GINS3: variants seen among roughly 807,000 people sequenced by gnomAD.
GINS3 encodes GINS complex subunit 3, also known as DNA replication complex GINS protein PSF3.
Under a neutral mutation model 20.0 loss-of-function variants are expected in GINS3, and 18 were observed. That is an observed-to-expected ratio of 0.90 (90% confidence interval 0.62 to 1.33). The LOEUF is 1.33. Ranked by LOEUF, GINS3 falls within the 40% of genes most tolerant of loss-of-function variation. The pLI is 0.00. For missense variants in GINS3, 254 were observed against 273.6 expected (o/e 0.93, Z 0.51); for synonymous variants, 109 against 107.0 (o/e 1.02, Z -0.12).
Position 58,404,542 on chromosome 16 carries a change from A to C in GINS3, c.464A>C (p.Asn155Thr). The change falls in exon 3 of 3, where the codon AAT (asparagine) becomes ACT (threonine). Residue 155 changes from asparagine to threonine, a missense_variant. Transcript: ENST00000318129. The part of the protein sequence containing the change: ...RFRRIMDSSQ[N>T]AYNEDTSALV... ...CGCCGCATCATGGACTCCTCACAGA[A>C]TGCTTACAACGAAGACACTTCAGCC... 6.2e-7 allele frequency: 1 copy of C among 1,614,164 alleles called. No homozygotes were observed. Among genetic ancestry groups the C allele is most frequent in the Non-Finnish European group, 8.5e-7 (1 of 1,180,024 alleles).
intron 1 of GINS3, among the ~76,000 whole-genome samples, chr16:58,396,107 C>T: frequency 7.0e-6 from 1 of 141,894 alleles, no homozygotes; most frequent in Non-Finnish European, 1.5e-5. Context: ...CCACCTCCCT[C>T]CCGGACGGGG....
intron 1 of GINS3, chr16:58,394,971 T>A: frequency 2.5e-6 from 1 of 398,298 alleles, no homozygotes. Context: ...GTAGGAAGGT[T>A]TGTATGACAT....
In GINS3 at chr16:58,403,334, A is replaced by G. The variant is rs1279862698; in HGVS notation, c.420+3A>G. 2 of 1,611,444 alleles carry G rather than the reference A, an allele frequency of 1.2e-6. No individual in the cohort carries two copies. The highest frequency in any genetic ancestry group is 1.3e-5 in the African/African-American group (1 of 74,850). On this transcript the variant is annotated splice_donor_region_variant and intron_variant, in intron 2 of 2. Coordinates refer to ENST00000318129, the MANE Select transcript of GINS3 (RefSeq NM_022770.4). Reference sequence around the variant, plus strand: ...ACATTTCCCAGTCTCTGCTGCAGGCAAGTAATGGGTGTGAAAACCTGTGGT... The same window carrying G: ...ACATTTCCCAGTCTCTGCTGCAGGCGAGTAATGGGTGTGAAAACCTGTGGT...
At chr16:58,403,668 A>G (rs60068088) in intron 2 of GINS3, 32,155 of 284,184 alleles carry the variant, frequency 0.11, 2,744 homozygotes, top group African/African-American at 0.29. Flanking sequence ...AGGCCAAGGC[A>G]GGAGGATCGC....
intron 1 of GINS3, chr16:58,395,076 A>AC (rs1965831023): frequency 1.1e-5 from 5 of 458,142 alleles, no homozygotes; most frequent in Middle Eastern, 1.1e-3. Flanking sequence ...ATTTTATCTA[A>AC]TTTTTTTTTT....
At chr16:58,397,771 C>T (rs1340855519) in intron 1 of GINS3, among the ~76,000 whole-genome samples, 4 of 151,874 alleles carry the variant, frequency 2.6e-5, no homozygotes, top group South Asian at 2.1e-4. Context: ...AGTCCAGCTT[C>T]GGCTCGGCAT....
At chr16:58,395,340 T>A (rs866084724) in intron 1 of GINS3, 3,784 of 204,728 alleles carry the variant, frequency 0.018, 43 homozygotes, top group Middle Eastern at 0.027. Context: ...TATATATATT[T>A]TTTTTTTAAT....
rs1055528959 is a variant in GINS3 at position 58,405,157 on chromosome 16, A to C, written c.*428A>C. 2 of 172,848 alleles carry C rather than the reference A, an allele frequency of 1.2e-5. No individual in the cohort carries two copies. Among genetic ancestry groups the C allele is most frequent in the Non-Finnish European group, 1.2e-5 (1 of 80,122 alleles). 10.7% of individuals were successfully genotyped at this position (172,848 alleles called of 1,614,324 possible). On this transcript the variant is annotated 3_prime_UTR_variant, in exon 3 of 3. Transcript: ENST00000318129. ...GTTCACAAAATGCTCTCTTGATCTT[A>C]TTTGCCTCATCTTCCTCATGGTTGT...
chr16:58,395,242 A>G, intron 1 of GINS3: 3 of 361,144 alleles, frequency 8.3e-6, no homozygotes, highest in Non-Finnish European at 1.4e-5. Flanking sequence ...TGTCCAGCTA[A>G]TTTTTGTATT....
rs1438148357 is a variant in GINS3 at position 58,396,788 on chromosome 16, C to T, written c.186+4001C>T. On this transcript the variant is annotated intron_variant, in intron 1 of 2. Transcript: ENST00000318129. ...CTGACCCCCCCACCTCCTTCCCGGACAGGGCGGCTGGCCGGGCAGAGGGGC... is the reference window on the plus strand; with the variant it reads ...CTGACCCCCCCACCTCCTTCCCGGATAGGGCGGCTGGCCGGGCAGAGGGGC... Among the ~76,000 whole-genome samples the T allele has an allele frequency of 2.0e-3, 263 of 133,694 alleles. 2 individuals carry two copies. Among genetic ancestry groups the T allele is most frequent in the African/African-American group, 7.0e-3 (236 of 33,718 alleles). 87.7% of individuals were successfully genotyped at this position (133,694 alleles called of 152,430 possible).
At chr16:58,403,037 G>A (rs1221397519) in intron 1 of GINS3, 61 bp from the exon 2 acceptor site, 24 of 1,369,666 alleles carry the variant, frequency 1.8e-5, no homozygotes, top group African/African-American at 5.7e-5. Flanking sequence ...TTTCCTTTTC[G>A]TCACACACAT....
At position 58,404,847 on chromosome 16, in the gene GINS3, T is replaced by G. The variant is rs1361999534; in HGVS notation, c.*118T>G. 4.1e-6 allele frequency: 3 copies of G among 735,594 alleles called. No individual in the cohort carries two copies. The highest frequency in any genetic ancestry group is 6.8e-6 in the Non-Finnish European group (3 of 438,934). The allele number at this position is 735,594 out of a possible 1,614,324, so 45.6% of individuals were successfully genotyped here. ...GTCCCATTTCATGGCTTATTTCCTG[T>G]GGCCATAGAGAATTATAGGGAACTG... On this transcript the variant is annotated 3_prime_UTR_variant, in exon 3 of 3. Coordinates refer to ENST00000318129, the MANE Select transcript of GINS3 (RefSeq NM_022770.4).
At chr16:58,397,711 G>T (rs1407253143) in intron 1 of GINS3, among the ~76,000 whole-genome samples, 2 of 152,194 alleles carry the variant, frequency 1.3e-5, no homozygotes, top group Non-Finnish European at 2.9e-5. Flanking sequence ...GCAGGCTGAG[G>T]CAGGAGAATC....
intron 1 of GINS3, among the ~76,000 whole-genome samples, chr16:58,398,324 T>C (rs1025594460): frequency 7.2e-5 from 11 of 152,198 alleles, no homozygotes; most frequent in African/African-American, 2.7e-4. Flanking sequence ...AAAAATACTT[T>C]TTAGGCCAGG....
At position 58,398,457 on chromosome 16, in the gene GINS3, A is replaced by T. The variant is rs535033769; in HGVS notation, c.187-4641A>T. Among the ~76,000 whole-genome samples, 20 of 152,144 alleles carry T rather than the reference A, an allele frequency of 1.3e-4. No homozygotes were observed. In the East Asian group the frequency reaches 1.4e-3, roughly 10 times the overall value. On this transcript the variant is annotated intron_variant, in intron 1 of 2. Transcript: ENST00000318129. The stretch of plus-strand genomic sequence containing the variant: ...TCCCCATCTCTACAAAAAATTTTTT[A>T]AAAAAGCCGAGCATGGTAGCACACA...
intron 1 of GINS3, among the ~76,000 whole-genome samples, chr16:58,396,301 C>A (rs1454736843): frequency 7.8e-6 from 1 of 127,914 alleles, no homozygotes; most frequent in African/African-American, 3.1e-5. Flanking sequence ...GGGCGGCTGG[C>A]CGGGCAGAGG....
chr16:58,395,146 G>C (rs1965832798), intron 1 of GINS3: 5 of 483,882 alleles, frequency 1.0e-5, no homozygotes, highest in Non-Finnish European at 1.1e-5. Flanking sequence ...GTGTGATATG[G>C]CTCACTGCAG....
chr16:58,397,019 G>A (rs1340022791), intron 1 of GINS3, among the ~76,000 whole-genome samples: 2 of 140,464 alleles, frequency 1.4e-5, no homozygotes, highest in Non-Finnish European at 3.1e-5. Context: ...GCGGGGGGCT[G>A]ACCCCCCCAC....
chr16:58,403,468 C>CCAT, intron 2 of GINS3, 137 bp downstream of exon 2: 1 of 632,032 alleles, frequency 1.6e-6, no homozygotes, highest in South Asian at 2.0e-5. Flanking sequence ...GTTACACTGT[C>CCAT]TGTCCATTTT....
Sources: allele counts gnomAD v4.1 joint callset (sites outside exome capture counted in the v4.1 genomes callset), GRCh38; gene constraint gnomAD v4.1.1; transcripts MANE v1.5; gene names NCBI Gene and HGNC (gene_info 2026-07-23, HGNC 2026-07-21).